YWHAQ: variants seen among roughly 807,000 people sequenced by gnomAD.
YWHAQ encodes tyrosine 3-monooxygenase/tryptophan 5-monooxygenase activation protein theta.
YWHAQ carries 6 observed loss-of-function variants against 28.3 expected under a neutral mutation model. The observed-to-expected ratio is 0.21, with a 90% CI of 0.12 to 0.42. The LOEUF (loss-of-function observed/expected upper bound fraction) is 0.42, where lower values mean the gene tolerates loss of function less well. Among genes scored for constraint, YWHAQ ranks in the 10% least tolerant of loss-of-function variants. The pLI, the probability that YWHAQ is intolerant of heterozygous loss-of-function variation, is 1.00. For missense variants in YWHAQ, 201 were observed against 305.6 expected (o/e 0.66, Z 2.55); for synonymous variants, 143 against 119.1 (o/e 1.20, Z -1.31).
At chr2:9,618,587 G>A (rs546396837) in intron 2 of YWHAQ, among the ~76,000 whole-genome samples, 1 of 152,110 alleles carries the variant, frequency 6.6e-6, no homozygotes, top group Admixed American at 6.5e-5. Context: ...GATCACTGCA[G>A]CCTAAACCTC....
chr2:9,591,929 A>G (rs182111693), intron 2 of YWHAQ, among the ~76,000 whole-genome samples: 2 of 152,338 alleles, frequency 1.3e-5, no homozygotes, highest in African/African-American at 4.8e-5. Context: ...AGAACTAAGA[A>G]AGATGTGAAT....
intron 2 of YWHAQ, among the ~76,000 whole-genome samples, chr2:9,600,933 C>T (rs575450326): frequency 2.1e-4 from 32 of 152,210 alleles, no homozygotes; most frequent in African/African-American, 4.3e-4. Flanking sequence ...AAGGTACATA[C>T]GCTGGTTTTT....
chr2:9,611,780 C>T (rs1450545333), intron 2 of YWHAQ, among the ~76,000 whole-genome samples: 1 of 152,210 alleles, frequency 6.6e-6, no homozygotes, highest in South Asian at 2.1e-4. Context: ...AAGCGATTCT[C>T]GTGCCTCAGC....
intron 2 of YWHAQ, among the ~76,000 whole-genome samples, chr2:9,629,907 T>C (rs1667325892): frequency 6.6e-6 from 1 of 152,120 alleles, no homozygotes; most frequent in Non-Finnish European, 1.5e-5. Flanking sequence ...CCTACTTGGA[T>C]GTTTCCAAGT....
intron 3 of YWHAQ, among the ~76,000 whole-genome samples, chr2:9,590,717 G>C (rs545585575): frequency 6.6e-6 from 1 of 150,602 alleles, no homozygotes; most frequent in South Asian, 2.1e-4. Context: ...TGATAGTCTA[G>C]GTTAAAAAAA....
intron 2 of YWHAQ, among the ~76,000 whole-genome samples, chr2:9,602,270 T>C (rs911006473): frequency 2.6e-5 from 4 of 151,792 alleles, no homozygotes; most frequent in Admixed American, 2.6e-4. Flanking sequence ...CTACCAAAAA[T>C]TAAAAAATTA....
chr2:9,605,193 C>T (rs1390729108), intron 2 of YWHAQ, among the ~76,000 whole-genome samples: 5 of 140,994 alleles, frequency 3.5e-5, no homozygotes, highest in Non-Finnish European at 6.0e-5. Flanking sequence ...TGCTAGAATA[C>T]AGTGGCATCA....
At chr2:9,615,156 A>G (rs573665544) in intron 2 of YWHAQ, 2 of 152,342 alleles carry the variant, frequency 1.3e-5, no homozygotes, top group East Asian at 1.9e-4. Context: ...GGAAACCGGT[A>G]AACTCCAGAC....
At chr2:9,611,305 A>G (rs1431555836) in intron 2 of YWHAQ, among the ~76,000 whole-genome samples, 1 of 152,212 alleles carries the variant, frequency 6.6e-6, no homozygotes, top group Non-Finnish European at 1.5e-5. Flanking sequence ...CTTGATTCCT[A>G]CGTGAGTCTA....
rs1666580233 is a variant in YWHAQ at position 9,596,802 on chromosome 2, A to T, written c.295-5287T>A. ...ACCTGCATCCTTCGCCTCCCGGTTC[A>T]AGCGATTCTTTGGCCTCAGCCTCCC... On this transcript the variant is annotated intron_variant, in intron 2 of 5. Coordinates refer to ENST00000238081, the MANE Select transcript of YWHAQ (RefSeq NM_006826.4). Among the ~76,000 whole-genome samples, 2 of 152,060 alleles carry T rather than the reference A, an allele frequency of 1.3e-5. 1 individual carries two copies. Among genetic ancestry groups the T allele is most frequent in the Admixed American group, 1.3e-4 (2 of 15,264 alleles).
At chr2:9,623,802 T>A (rs1338477313) in intron 2 of YWHAQ, among the ~76,000 whole-genome samples, 1 of 150,808 alleles carries the variant, frequency 6.6e-6, no homozygotes, top group Non-Finnish European at 1.5e-5. Flanking sequence ...TAAATAAAAT[T>A]AAATTTAAAA....
At chr2:9,602,849 AAAAAAAAAAAAAAATATATAT>A (rs1464128837) in intron 2 of YWHAQ, among the ~76,000 whole-genome samples, 3 of 16,784 alleles carry the variant, frequency 1.8e-4, no homozygotes, top group African/African-American at 4.0e-4. Flanking sequence ...AAAAAAAAAA[AAAAAAAAAAAAAAATATATAT>A]ATATATATAT....
intron 5 of YWHAQ, among the ~76,000 whole-genome samples, chr2:9,586,960 G>T (rs950388522): frequency 6.6e-6 from 1 of 152,136 alleles, no homozygotes; most frequent in Non-Finnish European, 1.5e-5. Flanking sequence ...AAGCAGAGAA[G>T]GAGTAAGTTT....
intron 2 of YWHAQ, among the ~76,000 whole-genome samples, chr2:9,624,034 T>C (rs769633766): frequency 7.2e-5 from 11 of 152,046 alleles, no homozygotes; most frequent in Admixed American, 1.3e-4. Flanking sequence ...TCTGGGTGGA[T>C]TGCTTGAGCT....
At chr2:9,623,986 C>T (rs531619135) in intron 2 of YWHAQ, among the ~76,000 whole-genome samples, 2 of 152,064 alleles carry the variant, frequency 1.3e-5, no homozygotes, top group African/African-American at 2.4e-5. Flanking sequence ...ATATAGGACC[C>T]GGCCAGACAC....
At chr2:9,607,096 C>T (rs1666846056) in intron 2 of YWHAQ, among the ~76,000 whole-genome samples, 1 of 152,070 alleles carries the variant, frequency 6.6e-6, no homozygotes, top group African/African-American at 2.4e-5. Flanking sequence ...GTTGGTCATG[C>T]TGGTCTCGAA....
At chr2:9,597,606 G>T (rs952051076) in intron 2 of YWHAQ, among the ~76,000 whole-genome samples, 4 of 134,174 alleles carry the variant, frequency 3.0e-5, no homozygotes, top group African/African-American at 1.2e-4. Flanking sequence ...AAGATCACCT[G>T]CCTGGGCAAA....
Position 9,585,269 on chromosome 2 carries a change from T to TGACA in YWHAQ, c.*13_*16dup, listed in dbSNP as rs1666319688. On this transcript the variant is annotated 3_prime_UTR_variant, in exon 6 of 6. Coordinates refer to ENST00000238081, the MANE Select transcript of YWHAQ (RefSeq NM_006826.4). The stretch of plus-strand genomic sequence containing the variant: ...AAAGGTTTCTTGAAGGAAAGAAGGA[T>TGACA]GACACCCTGTATGGATTTAGTTTTC... The TGACA allele has an allele frequency of 1.9e-6, 3 of 1,613,848 alleles. No individual in the cohort carries two copies. Among genetic ancestry groups the TGACA allele is most frequent in the Non-Finnish European group, 2.5e-6 (3 of 1,179,928 alleles).
At chr2:9,629,501 T>C (rs1280192645) in intron 2 of YWHAQ, among the ~76,000 whole-genome samples, 1 of 152,180 alleles carries the variant, frequency 6.6e-6, no homozygotes, top group Non-Finnish European at 1.5e-5. Flanking sequence ...TGGAAACGAA[T>C]TCACTTCAAC....
Sources: allele counts gnomAD v4.1 joint callset (sites outside exome capture counted in the v4.1 genomes callset), GRCh38; gene constraint gnomAD v4.1.1; transcripts MANE v1.5; gene names NCBI Gene and HGNC (gene_info 2026-07-23, HGNC 2026-07-21).